KIF27: variants seen among roughly 807,000 people sequenced by gnomAD.
KIF27 encodes kinesin-like protein KIF27.
In KIF27, 84 loss-of-function variants were observed where a neutral mutation model predicts 141.8. The ratio of observed to expected loss-of-function variants is 0.59; its 90% confidence interval spans 0.50 to 0.71. The LOEUF is 0.71. Among genes scored for constraint, KIF27 ranks in the 30% least tolerant of loss-of-function variants. The pLI is 0.00. For missense variants in KIF27, 1,306 were observed against 1,628.4 expected (o/e 0.80, Z 3.41); for synonymous variants, 471 against 569.5 (o/e 0.83, Z 2.46).
chr9:83,893,472 T>C (rs3119923), intron 5 of KIF27, among the ~76,000 whole-genome samples: 24 of 151,896 alleles, frequency 1.6e-4, no homozygotes, highest in Admixed American at 2.6e-4. Flanking sequence ...CTGATCACAA[T>C]GCAATAAAAA....
intron 13 of KIF27, chr9:83,859,583 G>A (rs1319125059): frequency 1.2e-5 from 6 of 509,302 alleles, no homozygotes; most frequent in Non-Finnish European, 2.1e-5. Context: ...CCAGGCTAGA[G>A]TGCAATGGTG....
chr9:83,907,681 C>T (rs920778318), intron 3 of KIF27, among the ~76,000 whole-genome samples: 20 of 151,662 alleles, frequency 1.3e-4, no homozygotes, highest in African/African-American at 4.8e-4. Context: ...AAAATATAAA[C>T]TCTCAACTTT....
chr9:83,839,162 C>T (rs1482459139), intron 17 of KIF27, among the ~76,000 whole-genome samples: 1 of 151,756 alleles, frequency 6.6e-6, no homozygotes, highest in Non-Finnish European at 1.5e-5. Context: ...AAGACCCCAA[C>T]TCTAAAAAAA....
At chr9:83,841,064 A>G (rs17064724) in intron 17 of KIF27, among the ~76,000 whole-genome samples, 20,336 of 151,758 alleles carry the variant, frequency 0.13, 1,447 homozygotes, top group African/African-American at 0.14. Context: ...TGTCACAAAT[A>G]TAAGTTAGCA....
intron 3 of KIF27, among the ~76,000 whole-genome samples, chr9:83,906,425 T>C (rs970576502): frequency 1.3e-5 from 2 of 151,960 alleles, no homozygotes; most frequent in Admixed American, 6.6e-5. Context: ...TTCCACTAAA[T>C]ATGGTTTTTA....
rs1951808696 is a variant in KIF27 at position 83,883,040 on chromosome 9, A to G, written c.2445+773T>C. Among the ~76,000 whole-genome samples, 3 of 151,994 alleles carry G rather than the reference A, an allele frequency of 2.0e-5. 1 individual carries two copies. Among genetic ancestry groups the G allele is most frequent in the Non-Finnish European group, 1.5e-5 (1 of 68,018 alleles). On this transcript the variant is annotated intron_variant, in intron 10 of 17. Coordinates refer to ENST00000297814, the MANE Select transcript of KIF27 (RefSeq NM_017576.4). ...CACCAGAGGTATATTGTAAACATCT[A>G]TTTTGTTTAAAGCAAATAACTGTGG...
chr9:83,892,661 C>T (rs1588201599), intron 5 of KIF27, among the ~76,000 whole-genome samples: 1 of 151,948 alleles, frequency 6.6e-6, no homozygotes, highest in Non-Finnish European at 1.5e-5. Flanking sequence ...CCATATGCTG[C>T]TTACAAGAAA....
At chr9:83,845,430 T>C (rs1474207048) in intron 16 of KIF27, among the ~76,000 whole-genome samples, 1 of 152,174 alleles carries the variant, frequency 6.6e-6, no homozygotes, top group Non-Finnish European at 1.5e-5. Context: ...ATAAGTTACA[T>C]GAGGAAGTGG....
At chr9:83,873,067 A>G (rs1430783466) in intron 11 of KIF27, among the ~76,000 whole-genome samples, 1 of 152,232 alleles carries the variant, frequency 6.6e-6, no homozygotes, top group Non-Finnish European at 1.5e-5. Flanking sequence ...CCACTGGGCT[A>G]GCAAGCTAGA....
intron 16 of KIF27, among the ~76,000 whole-genome samples, chr9:83,842,953 C>A (rs1946766786): frequency 6.6e-6 from 1 of 152,140 alleles, no homozygotes; most frequent in South Asian, 2.1e-4. Flanking sequence ...CTCACACTTT[C>A]ATAAGAATTT....
At chr9:83,855,835 A>G (rs554133115) in intron 14 of KIF27, among the ~76,000 whole-genome samples, 5 of 152,312 alleles carry the variant, frequency 3.3e-5, no homozygotes, top group African/African-American at 7.2e-5. Context: ...GCCTTTATAC[A>G]TGGCTGAGGA....
intron 10 of KIF27, among the ~76,000 whole-genome samples, chr9:83,883,311 T>C (rs529105544): frequency 9.2e-5 from 14 of 152,160 alleles, no homozygotes; most frequent in Non-Finnish European, 1.2e-4. Context: ...ATATTTCTCA[T>C]AGAATAGAAT....
chr9:83,859,379 A>G lies in KIF27; in HGVS notation c.2935-8T>C. 1 of 1,605,672 alleles carries G rather than the reference A, an allele frequency of 6.2e-7. No individual in the cohort carries two copies. The highest frequency in any genetic ancestry group is 8.5e-7 in the Non-Finnish European group (1 of 1,172,392). ...ACTATCTGTGTTTAAGGCCTAAAAGATACAACCCACCAGCCACCTCAAAAA... is the reference window on the plus strand; with the variant it reads ...ACTATCTGTGTTTAAGGCCTAAAAGGTACAACCCACCAGCCACCTCAAAAA... On this transcript the variant is annotated splice_region_variant and splice_polypyrimidine_tract_variant and intron_variant, in intron 13 of 17. Transcript: ENST00000297814.
chr9:83,870,946 C>G (rs1202262393), intron 11 of KIF27, among the ~76,000 whole-genome samples: 1 of 152,052 alleles, frequency 6.6e-6, no homozygotes, highest in Admixed American at 6.5e-5. Flanking sequence ...GGGTCTCACT[C>G]TGTATCTAGA....
intron 16 of KIF27, among the ~76,000 whole-genome samples, chr9:83,848,186 ATATATATGATATATCAGATATG>A (rs1947795802): frequency 1.3e-4 from 4 of 29,682 alleles, no homozygotes; most frequent in Non-Finnish European, 5.9e-5. Context: ...ATCATATATG[ATATATATGATATATCAGATATG>A]ATATATATGA....
chr9:83,849,453 GTAACAGTATCACC>G (rs1377822805), intron 16 of KIF27: 1 of 152,200 alleles, frequency 6.6e-6, no homozygotes, highest in Non-Finnish European at 1.5e-5. Flanking sequence ...AATTGAAGGA[GTAACAGTATCACC>G]TAACAATGAT....
Position 83,883,081 on chromosome 9 carries a change from A to T in KIF27, c.2445+732T>A, listed in dbSNP as rs184599172. Among the ~76,000 whole-genome samples the T allele has an allele frequency of 3.8e-3, 580 of 152,240 alleles. 2 individuals are homozygous for T. Among genetic ancestry groups the T allele is most frequent in the African/African-American group, 0.014 (564 of 41,542 alleles). On this transcript the variant is annotated intron_variant, in intron 10 of 17. Transcript: ENST00000297814. The stretch of plus-strand genomic sequence containing the variant: ...ATAACTGTGGCATAGTTCAATAATA[A>T]TAATAATAATAATGCTGTGAATAGG...
At chr9:83,861,989 G>A (rs571155552) in intron 13 of KIF27, among the ~76,000 whole-genome samples, 19 of 152,296 alleles carry the variant, frequency 1.2e-4, no homozygotes, top group African/African-American at 2.6e-4. Flanking sequence ...TTCGAGAAGC[G>A]TCTGTTCATA....
chr9:83,859,581 G>A (rs1163422855), intron 13 of KIF27: 1 of 515,334 alleles, frequency 1.9e-6, no homozygotes, highest in African/African-American at 1.9e-5. Flanking sequence ...CCCCAGGCTA[G>A]AGTGCAATGG....
Sources: allele counts gnomAD v4.1 joint callset (sites outside exome capture counted in the v4.1 genomes callset), GRCh38; gene constraint gnomAD v4.1.1; transcripts MANE v1.5; gene names NCBI Gene and HGNC (gene_info 2026-07-23, HGNC 2026-07-21).